The following RHOA variants were observed in gnomAD, a reference collection of about 807,000 sequenced individuals.
The protein encoded by RHOA is ras homolog family member A.
A neutral mutation model predicts 17.5 loss-of-function variants in RHOA; 3 were observed. That is an observed-to-expected ratio of 0.17 (90% confidence interval 0.08 to 0.44). The LOEUF (loss-of-function observed/expected upper bound fraction) is 0.44. Among genes scored for constraint, RHOA ranks in the 20% least tolerant of loss-of-function variants. The pLI is 0.99. For missense variants in RHOA, 56 were observed against 242.3 expected, an observed-to-expected ratio of 0.23 and a Z score of 5.10; for synonymous variants, 98 against 88.4, an observed-to-expected ratio of 1.11 and a Z score of -0.61.
intron 3 of RHOA, among the ~76,000 whole-genome samples, chr3:49,363,141 G>A (rs990666873): frequency 2.0e-5 from 3 of 152,180 alleles, no homozygotes; most frequent in Non-Finnish European, 1.5e-5. Context: ...ACTTTTGGCC[G>A]GGAGCGGTGG....
chr3:49,379,061 C>T (rs576038693), intron 1 of RHOA, among the ~76,000 whole-genome samples: 1 of 152,152 alleles, frequency 6.6e-6, no homozygotes, highest in South Asian at 2.1e-4. Flanking sequence ...AACATATGTC[C>T]ACATAACAAC....
intron 1 of RHOA, among the ~76,000 whole-genome samples, chr3:49,391,650 T>C (rs1025687810): frequency 5.3e-5 from 8 of 151,804 alleles, no homozygotes; most frequent in Non-Finnish European, 1.2e-4. Context: ...TAGCTGGGAT[T>C]ACAGGCATGC....
At chr3:49,361,076 AAAAAC>A (rs780194757) in intron 4 of RHOA, 2 of 169,054 alleles carry the variant, frequency 1.2e-5, no homozygotes, top group Non-Finnish European at 2.6e-5. Context: ...CCTTCTCAAA[AAAAAC>A]AAAACAAAAA....
At chr3:49,361,006 G>C (rs2047959415) in intron 4 of RHOA, 1 of 254,504 alleles carries the variant, frequency 3.9e-6, no homozygotes, top group Non-Finnish European at 8.3e-6. Context: ...CTGGGAGGCG[G>C]AGGTTGCAGT....
At chr3:49,387,297 A>G (rs2048414319) in intron 1 of RHOA, among the ~76,000 whole-genome samples, 1 of 150,208 alleles carries the variant, frequency 6.7e-6, no homozygotes, top group Non-Finnish European at 1.5e-5. Context: ...ACAAAAAATT[A>G]GCCAGGCATG....
At chr3:49,386,550 C>T (rs558843572) in intron 1 of RHOA, among the ~76,000 whole-genome samples, 16 of 152,232 alleles carry the variant, frequency 1.1e-4, no homozygotes, top group Admixed American at 2.0e-4. Context: ...TTAAGCAATC[C>T]GTTTCAGAGT....
chr3:49,384,300 C>A (rs2048363445), intron 1 of RHOA, among the ~76,000 whole-genome samples: 1 of 152,136 alleles, frequency 6.6e-6, no homozygotes, highest in Non-Finnish European at 1.5e-5. Flanking sequence ...CTCCTTTCCA[C>A]TTTGCTATAA....
chr3:49,370,124 G>A (rs527703047), intron 2 of RHOA, among the ~76,000 whole-genome samples: 38 of 152,184 alleles, frequency 2.5e-4, no homozygotes, highest in Non-Finnish European at 4.6e-4. Context: ...GTGCACGCCT[G>A]TAGTCCCAGC....
chr3:49,405,976 T>C (rs1356120194), intron 1 of RHOA, among the ~76,000 whole-genome samples: 3 of 152,214 alleles, frequency 2.0e-5, no homozygotes, highest in Non-Finnish European at 4.4e-5. Context: ...TGAGCCACCA[T>C]ACGCAGCCTG....
chr3:49,384,305 C>T (rs937147847), intron 1 of RHOA, among the ~76,000 whole-genome samples: 4 of 152,088 alleles, frequency 2.6e-5, no homozygotes, highest in African/African-American at 9.7e-5. Flanking sequence ...TTCCACTTTG[C>T]TATAATGCAG....
At chr3:49,411,146 G>T (rs1364116334) in intron 1 of RHOA, among the ~76,000 whole-genome samples, 1 of 148,500 alleles carries the variant, frequency 6.7e-6, no homozygotes, top group South Asian at 2.1e-4. Flanking sequence ...TTTGTGTGTT[G>T]TTTTTTTTTT....
intron 2 of RHOA, among the ~76,000 whole-genome samples, chr3:49,370,271 G>A (rs1368406790): frequency 6.6e-6 from 1 of 152,028 alleles, no homozygotes; most frequent in African/African-American, 2.4e-5. Context: ...AAACAAAACA[G>A]ATACTAGAAC....
intron 1 of RHOA, among the ~76,000 whole-genome samples, chr3:49,386,876 G>A (rs995072594): frequency 5.9e-5 from 9 of 151,846 alleles, no homozygotes; most frequent in African/African-American, 1.7e-4. Flanking sequence ...ACTTTGGGAG[G>A]CCGAGGCAAA....
At chr3:49,393,148 G>A (rs778090923) in intron 1 of RHOA, among the ~76,000 whole-genome samples, 5 of 152,070 alleles carry the variant, frequency 3.3e-5, no homozygotes, top group African/African-American at 4.8e-5. Flanking sequence ...TCCAGCCTCG[G>A]CAACAGAGCA....
At chr3:49,379,706 G>A (rs1054823002) in intron 1 of RHOA, among the ~76,000 whole-genome samples, 4 of 151,992 alleles carry the variant, frequency 2.6e-5, no homozygotes, top group Non-Finnish European at 5.9e-5. Context: ...AGTAGTGACC[G>A]GGTTTCACCA....
At chr3:49,379,935 G>A (rs536310984) in intron 1 of RHOA, among the ~76,000 whole-genome samples, 2 of 152,350 alleles carry the variant, frequency 1.3e-5, no homozygotes, top group South Asian at 4.1e-4. Context: ...GAAATCTGCA[G>A]ATTCCTTCCA....
At position 49,386,530 on chromosome 3, in the gene RHOA, C is replaced by G. The variant is rs146491006; in HGVS notation, c.-2-10939G>C. ...AGCCAGTAAGAGGCAGAATTGGACA[C>G]TGAAGTAAATTAAGCAATCCGTTTC... On this transcript the variant is annotated intron_variant, in intron 1 of 4. Transcript: ENST00000418115. Among the ~76,000 whole-genome samples, 622 of 152,276 alleles carry G rather than the reference C, an allele frequency of 4.1e-3. 7 individuals are homozygous for G. The highest frequency in any genetic ancestry group is 0.014 in the African/African-American group (595 of 41,562).
intron 3 of RHOA, among the ~76,000 whole-genome samples, chr3:49,368,013 G>A (rs185100743): frequency 2.0e-5 from 3 of 152,032 alleles, no homozygotes; most frequent in Admixed American, 6.6e-5. Context: ...AGGTTCAAAC[G>A]ATTCTCCTGC....
At chr3:49,382,536 T>C (rs2048334417) in intron 1 of RHOA, among the ~76,000 whole-genome samples, 1 of 152,016 alleles carries the variant, frequency 6.6e-6, no homozygotes, top group African/African-American at 2.4e-5. Context: ...CTCAGGAGGC[T>C]AAGATGGGAG....
Sources: gnomAD v4.1 joint callset for allele counts (sites outside exome capture counted in the v4.1 genomes callset) on GRCh38, gnomAD v4.1.1 for gene constraint, MANE v1.5 for transcripts, NCBI Gene and HGNC (gene_info 2026-07-23, HGNC 2026-07-21) for gene names.